Variants in WDR7 observed in about 807,000 individuals in gnomAD.
WDR7 encodes WD repeat-containing protein 7.
WDR7 carries 46 observed loss-of-function variants against 169.4 expected under a neutral mutation model. The observed-to-expected ratio is 0.27, with a 90% CI of 0.21 to 0.35. The LOEUF is 0.35. Ranked by LOEUF, WDR7 falls within the 10% of genes least tolerant of loss-of-function variation. The probability of loss-of-function intolerance (pLI) is 1.00; values close to 1 mark genes in which losing one functional copy is unlikely to be tolerated. For synonymous variants in WDR7, 612 were observed against 666.8 expected, an observed-to-expected ratio of 0.92 and a Z score of 1.27; for missense variants, 1,534 against 1,859.3, an observed-to-expected ratio of 0.83 and a Z score of 3.22.
intron 16 of WDR7, among the ~76,000 whole-genome samples, chr18:56,759,998 A>G (rs774233943): frequency 5.9e-5 from 9 of 152,142 alleles, no homozygotes; most frequent in East Asian, 1.9e-4. Flanking sequence ...TGCCATTTCT[A>G]TCCATCATTT....
chr18:56,900,579 T>C (rs988477896), intron 21 of WDR7, among the ~76,000 whole-genome samples: 3 of 152,110 alleles, frequency 2.0e-5, no homozygotes, highest in Non-Finnish European at 2.9e-5. Context: ...GAGTGGATAG[T>C]AAAGTGACTC....
At chr18:56,779,397 T>C in intron 17 of WDR7, 34 bp from the exon 18 acceptor site, 32 of 1,543,136 alleles carry the variant, frequency 2.1e-5, no homozygotes, top group Non-Finnish European at 2.8e-5. Context: ...GCCAAAATGG[T>C]TAAAGAATTT....
At chr18:56,995,756 T>C (rs1438682196) in intron 26 of WDR7, among the ~76,000 whole-genome samples, 1 of 152,212 alleles carries the variant, frequency 6.6e-6, no homozygotes, top group Non-Finnish European at 1.5e-5. Context: ...TCCTCTGACC[T>C]CTGCCTCCTG....
intron 13 of WDR7, among the ~76,000 whole-genome samples, chr18:56,729,039 A>G (rs2026524987): frequency 1.3e-5 from 2 of 152,206 alleles, no homozygotes; most frequent in East Asian, 3.8e-4. Flanking sequence ...TAGACACCAG[A>G]GATCAAATTA....
intron 5 of WDR7, 46 bp downstream of exon 5, chr18:56,682,899 G>A: frequency 1.9e-6 from 3 of 1,559,696 alleles, no homozygotes; most frequent in Non-Finnish European, 2.6e-6. Context: ...ATGACTTAAT[G>A]TTTAGTTTAC....
intron 2 of WDR7, among the ~76,000 whole-genome samples, chr18:56,677,550 A>G (rs567064308): frequency 2.6e-5 from 4 of 151,906 alleles, no homozygotes; most frequent in Admixed American, 1.3e-4. Flanking sequence ...GGGTTTTGCC[A>G]TTTTGCCCAG....
intron 1 of WDR7, among the ~76,000 whole-genome samples, chr18:56,660,692 G>A (rs751162860): frequency 6.6e-6 from 1 of 151,828 alleles, no homozygotes. Flanking sequence ...AGAAAGAAAG[G>A]AGACTAAAGC....
intron 25 of WDR7, among the ~76,000 whole-genome samples, chr18:56,948,238 T>C (rs529191003): frequency 1.3e-5 from 2 of 152,284 alleles, no homozygotes; most frequent in Admixed American, 1.3e-4. Flanking sequence ...TCATTTCTTT[T>C]ATAGCAACTA....
chr18:56,867,010 C>CTTATTTAT lies in WDR7; in HGVS notation c.3305-12911_3305-12904dup, dbSNP rs200285872. 3.0e-3 allele frequency among the ~76,000 whole-genome samples: 452 copies of CTTATTTAT among 148,566 alleles called. 5 individuals are homozygous for CTTATTTAT. The highest frequency in any genetic ancestry group is 0.011 in the African/African-American group (427 of 38,674). ...ATTATGCAACAACTTTATTTACTTA[C>CTTATTTAT]TTATTTATTTATTTATTTATTTATT... On this transcript the variant is annotated intron_variant, in intron 20 of 27. Transcript: ENST00000254442.
intron 16 of WDR7, among the ~76,000 whole-genome samples, chr18:56,769,310 C>G (rs552714330): frequency 9.5e-4 from 144 of 151,822 alleles, no homozygotes; most frequent in African/African-American, 3.3e-3. Flanking sequence ...GCCTCGACTT[C>G]CAGTCGAGGC....
intron 21 of WDR7, among the ~76,000 whole-genome samples, chr18:56,910,013 A>G (rs1197637985): frequency 6.6e-6 from 1 of 152,128 alleles, no homozygotes; most frequent in Non-Finnish European, 1.5e-5. Context: ...CTCTCCCTTT[A>G]ACATCCAGAC....
At chr18:56,827,169 G>A (rs2045220742) in intron 20 of WDR7, among the ~76,000 whole-genome samples, 1 of 152,144 alleles carries the variant, frequency 6.6e-6, no homozygotes, top group African/African-American at 2.4e-5. Flanking sequence ...AAGAAGAATG[G>A]CCTTGCCCAG....
At chr18:56,989,956 TGAGCAAACAG>T (rs1487608655) in intron 26 of WDR7, among the ~76,000 whole-genome samples, 7 of 152,232 alleles carry the variant, frequency 4.6e-5, no homozygotes, top group African/African-American at 1.7e-4. Context: ...GTCCACTAAA[TGAGCAAACAG>T]GACCATGTAA....
chr18:57,016,002 GC>G (rs767020114), intron 26 of WDR7, among the ~76,000 whole-genome samples: 10 of 152,300 alleles, frequency 6.6e-5, no homozygotes, highest in Non-Finnish European at 1.5e-4. Flanking sequence ...TGTCCTGTTT[GC>G]CCTCTGCCGG....
intron 24 of WDR7, 137 bp downstream of exon 24, chr18:56,938,819 G>A (rs1189432042): frequency 3.1e-5 from 26 of 834,116 alleles, no homozygotes; most frequent in Non-Finnish European, 3.9e-5. Context: ...GTGTGTGTGT[G>A]TGTGTGTGTG....
intron 2 of WDR7, among the ~76,000 whole-genome samples, chr18:56,675,606 G>T (rs2025227608): frequency 6.6e-6 from 1 of 150,764 alleles, no homozygotes; most frequent in Admixed American, 6.7e-5. Context: ...TTTTTTAGTG[G>T]ATCCTTTAGG....
rs755283323 is a variant in WDR7, at chr18:56,935,893, C to T, written c.3819C>T (p.Thr1273=). 6.2e-7 allele frequency: 1 copy of T among 1,613,870 alleles called. No individual in the cohort carries two copies. Among genetic ancestry groups the T allele is most frequent in the East Asian group, 2.2e-5 (1 of 44,876 alleles). ...CCAGACCACCCGCCTTCATCACCACCATAGCCAAAGAGGTGAGCGGAACTT... is the reference window on the plus strand; with the variant it reads ...CCAGACCACCCGCCTTCATCACCACTATAGCCAAAGAGGTGAGCGGAACTT... ...ATARPPAFIT[T]IAKEVHRHTA... is the part of the protein sequence containing the mutation. Residue 1273 remains threonine, a synonymous_variant, in exon 23 of 28, where the codon ACC becomes ACT. Transcript: ENST00000254442.
chr18:56,848,604 G>C (rs1391004674), intron 20 of WDR7, among the ~76,000 whole-genome samples: 1 of 152,148 alleles, frequency 6.6e-6, no homozygotes, highest in Non-Finnish European at 1.5e-5. Context: ...GGTGGGTCCT[G>C]GTGGGAGGTG....
intron 20 of WDR7, among the ~76,000 whole-genome samples, chr18:56,825,794 TC>T (rs1271005062): frequency 1.3e-5 from 2 of 152,200 alleles, no homozygotes; most frequent in African/African-American, 4.8e-5. Context: ...AGAAAATACT[TC>T]CTGTTTTCTT....
Sources: gnomAD v4.1 joint callset for allele counts (sites outside exome capture counted in the v4.1 genomes callset) on GRCh38, gnomAD v4.1.1 for gene constraint, MANE v1.5 for transcripts, NCBI Gene and HGNC (gene_info 2026-07-23, HGNC 2026-07-21) for gene names.